The following FGF13 variants were observed in gnomAD, a reference collection of about 807,000 sequenced individuals.
FGF13 encodes fibroblast growth factor 13.
In FGF13, 2 loss-of-function variants were observed where a neutral mutation model predicts 19.5. That is an observed-to-expected ratio of 0.10 (90% CI 0.04 to 0.32). The LOEUF (loss-of-function observed/expected upper bound fraction) is 0.32. FGF13 is among the 10% of genes least tolerant of loss of function. FGF13 has a pLI of 1.00. For synonymous variants in FGF13, 72 were observed against 76.9 expected (o/e 0.94, Z 0.33); for missense variants, 113 against 192.7 (o/e 0.59, Z 2.45).
chrX:139,091,646 T>C (rs2083440667), intron 1 of FGF13, among the ~76,000 whole-genome samples: 1 of 111,555 alleles, frequency 9.0e-6, no homozygotes. Flanking sequence ...ATCCCTTTCA[T>C]TTGGTGTTAG....
chrX:139,137,193 C>T (rs921591055), intron 1 of FGF13, among the ~76,000 whole-genome samples: 3 of 112,080 alleles, frequency 2.7e-5, no homozygotes, highest in Non-Finnish European at 5.6e-5. Context: ...TTAAACAGGG[C>T]TATGATTTGA....
At chrX:138,961,934 G>A (rs1430382756) in intron 1 of FGF13, among the ~76,000 whole-genome samples, 10 of 111,592 alleles carry the variant, frequency 9.0e-5, no homozygotes, top group Non-Finnish European at 5.6e-5. Flanking sequence ...ATAGGCATGG[G>A]CAAGGACTTC....
intron 1 of FGF13, among the ~76,000 whole-genome samples, chrX:138,960,174 C>T (rs1207645016): frequency 9.0e-6 from 1 of 111,597 alleles, no homozygotes; most frequent in African/African-American, 3.3e-5. Flanking sequence ...TGTTCCTTTC[C>T]ATGTTTAGTG....
chrX:139,159,774 C>A (rs142709012), intron 1 of FGF13, among the ~76,000 whole-genome samples: 1 of 109,812 alleles, frequency 9.1e-6, no homozygotes, highest in Admixed American at 9.7e-5. Flanking sequence ...GGGATCAACA[C>A]AACAAGAAGA....
chrX:138,951,707 T>A (rs1207278457), intron 1 of FGF13, among the ~76,000 whole-genome samples: 2 of 111,527 alleles, frequency 1.8e-5, no homozygotes, highest in African/African-American at 6.5e-5. Flanking sequence ...CCCGCTAGAA[T>A]GGCTAAAATT....
At chrX:139,141,128 C>CACAT (rs1305504198) in intron 1 of FGF13, among the ~76,000 whole-genome samples, 4 of 109,382 alleles carry the variant, frequency 3.7e-5, no homozygotes, top group African/African-American at 1.0e-4. Context: ...CACACACACA[C>CACAT]ACACAATTGG....
chrX:138,767,909 G>C (rs973367864), intron 3 of FGF13, among the ~76,000 whole-genome samples: 2 of 112,422 alleles, frequency 1.8e-5, no homozygotes, highest in Admixed American at 1.9e-4. Flanking sequence ...TCAGAGCAAA[G>C]TGTTGTCTGT....
chrX:138,700,041 C>T (rs1173731127), intron 3 of FGF13, among the ~76,000 whole-genome samples: 3 of 109,897 alleles, frequency 2.7e-5, no homozygotes, highest in South Asian at 3.9e-4. Flanking sequence ...TACCTGAAGA[C>T]ACCTCATTCT....
At chrX:138,819,893 G>T (rs2090987248) in intron 3 of FGF13, among the ~76,000 whole-genome samples, 1 of 111,586 alleles carries the variant, frequency 9.0e-6, no homozygotes, top group Non-Finnish European at 1.9e-5. Context: ...GATTTGCACT[G>T]AAGATTCAGA....
chrX:138,710,791 A>G (rs760943068), intron 1 of FGF13, 26 bp downstream of exon 1: 13 of 1,207,922 alleles, frequency 1.1e-5, no homozygotes, highest in Non-Finnish European at 1.5e-5. Context: ...AAGTATGGGG[A>G]AAAGAAAGCA....
intron 1 of FGF13, among the ~76,000 whole-genome samples, chrX:139,012,018 C>A (rs1229994216): frequency 9.0e-6 from 1 of 111,422 alleles, no homozygotes; most frequent in African/African-American, 3.3e-5. Flanking sequence ...TTAATGTACA[C>A]AAATCAGTAG....
chrX:138,886,499 T>C (rs1252399452), intron 1 of FGF13, among the ~76,000 whole-genome samples: 1 of 112,204 alleles, frequency 8.9e-6, no homozygotes, highest in Non-Finnish European at 1.9e-5. Flanking sequence ...AAAAACAGAA[T>C]TGCAAGCTCT....
At chrX:138,655,521 T>C (rs1046165404) in intron 3 of FGF13, among the ~76,000 whole-genome samples, 1 of 111,641 alleles carries the variant, frequency 9.0e-6, no homozygotes, top group Admixed American at 9.5e-5. Flanking sequence ...TTAGATTGTG[T>C]ATATAATTTG....
rs775415022 is a variant in FGF13 at position 138,892,027 on chromosome X, T to TGC, written c.-112-27378_-112-27377insGC. Among the ~76,000 whole-genome samples the TGC allele has an allele frequency of 3.6e-3, 390 of 109,495 alleles. 1 individual carries two copies. Among genetic ancestry groups the TGC allele is most frequent in the Non-Finnish European group, 5.5e-3 (289 of 52,647 alleles). On this transcript the variant is annotated intron_variant, in intron 1 of 2. Coordinates refer to the FGF13 transcript ENST00000421460. The stretch of plus-strand genomic sequence containing the variant: ...ATGTGTGTGTGTGTGTGTGTGTGTG[T>TGC]GTGTGTATTATCTCCTACTAGTTCT...
chrX:138,707,835 T>C (rs762056109), intron 2 of FGF13, among the ~76,000 whole-genome samples: 3 of 112,268 alleles, frequency 2.7e-5, no homozygotes, highest in Admixed American at 9.4e-5. Flanking sequence ...TTTACACTTA[T>C]TGAGACCCTC....
At chrX:138,656,254 A>T (rs1434423130) in intron 3 of FGF13, among the ~76,000 whole-genome samples, 3 of 111,862 alleles carry the variant, frequency 2.7e-5, no homozygotes. Context: ...TATAACAGTC[A>T]TTTTAGCCTA....
intron 3 of FGF13, among the ~76,000 whole-genome samples, chrX:138,698,509 A>C (rs2089917537): frequency 8.9e-6 from 1 of 111,918 alleles, no homozygotes; most frequent in African/African-American, 3.2e-5. Flanking sequence ...CAAATGATTA[A>C]GTGCATATAA....
chrX:138,631,229 AAAGGACACTATTT>A lies in FGF13; in HGVS notation c.*1608_*1620del, dbSNP rs1332861313. 3 of 112,244 alleles carry A rather than the reference AAAGGACACTATTT, an allele frequency of 2.7e-5. No individual in the cohort carries two copies. The highest frequency in any genetic ancestry group is 5.6e-5 in the Non-Finnish European group (3 of 53,292). The allele number at this position is 112,244 out of a possible 1,213,427, so 9.3% of individuals were successfully genotyped here. ...ATTTTCCTTCAGTTCTCAAAGGTAG[AAAGGACACTATTT>A]AGTCCTGTGTATTCCCTCTAGAGAG... is the stretch of plus-strand genomic sequence containing the variant. On this transcript the variant is annotated 3_prime_UTR_variant, in exon 5 of 5. Coordinates refer to ENST00000315930, the MANE Select transcript of FGF13 (RefSeq NM_004114.5).
In FGF13 at chrX:139,188,717, C is replaced by T. The variant is rs1157671101; in HGVS notation, c.-113+14699G>A. On this transcript the variant is annotated intron_variant, in intron 1 of 2. Coordinates refer to the FGF13 transcript ENST00000421460. ...GTTGAAAACAAAAAAAACTTGATTG[C>T]TTCATATTTAAAACTAATTTGTGCT... Among the ~76,000 whole-genome samples the T allele has an allele frequency of 1.2e-4, 14 of 112,439 alleles. No homozygotes were observed. The Admixed American group carries it at 1.3e-3, about 11-fold the overall frequency.
Sources: allele counts gnomAD v4.1 joint callset (sites outside exome capture counted in the v4.1 genomes callset), GRCh38; gene constraint gnomAD v4.1.1; transcripts MANE v1.5; gene names NCBI Gene and HGNC (gene_info 2026-07-23, HGNC 2026-07-21).